POLR2D: variants seen among roughly 807,000 people sequenced by gnomAD.
POLR2D encodes the protein RNA polymerase II subunit D, also known as DNA-directed RNA polymerase II subunit RPB4.
Under a neutral mutation model 17.6 loss-of-function variants are expected in POLR2D, and 10 were observed. That is an observed-to-expected ratio of 0.57 (90% CI 0.35 to 0.96). POLR2D has a LOEUF of 0.96. Among genes scored for constraint, POLR2D ranks in the 40% least tolerant of loss-of-function variants. POLR2D has a pLI of 0.02. For missense variants in POLR2D, 126 were observed against 176.4 expected (o/e 0.71, Z 1.62); for synonymous variants, 52 against 60.2 (o/e 0.86, Z 0.63).
chr2:127,850,626 G>C lies in POLR2D; in HGVS notation c.314C>G (p.Pro105Arg). The C allele has an allele frequency of 6.3e-7, 1 of 1,592,716 alleles. No homozygotes were observed. The highest frequency in any genetic ancestry group is 8.6e-7 in the Non-Finnish European group (1 of 1,166,524). ...FELACLANLC[P>R]ETAEESKALI... ...AGCCTTGGACTCCTCAGCAGTCTCT[G>C]GGCAAAGGTTGGCCAAACAGGCCAA... Residue 105 changes from proline to arginine, a missense_variant, in exon 3 of 4, where the codon CCA becomes CGA. Pro to Arg is a moderately radical substitution (Grantham distance 103). This residue lies in a region of POLR2D where 85 missense variants were observed against 151.4 expected (regional missense o/e 0.56). Coordinates refer to ENST00000272645, the MANE Select transcript of POLR2D (RefSeq NM_004805.4).
In POLR2D at chr2:127,858,088, C is replaced by A. The variant is rs779940909; in HGVS notation, c.13G>T (p.Gly5Cys). MAAG[G>C]SDPRAGDVEE... The stretch of plus-strand genomic sequence containing the variant: ...ACGTCGCCAGCCCGCGGATCGCTGC[C>A]ACCCGCCGCCATCGCCGCGCCGCGC... The change falls in exon 1 of 4, where the codon GGC (glycine) becomes TGC (cysteine). Residue 5 changes from glycine (G) to cysteine (C), a missense_variant. By Grantham distance (159) the Gly-to-Cys change is radical. Around this residue, in one of 2 missense-constraint regions of POLR2D, gnomAD observed 41 missense variants for 24.9 expected, o/e 1.64. Coordinates refer to ENST00000272645, the MANE Select transcript of POLR2D (RefSeq NM_004805.4). 2.6e-6 allele frequency: 4 copies of A among 1,515,442 alleles called. No homozygotes were observed. Among genetic ancestry groups the A allele is most frequent in the African/African-American group, 2.9e-5 (2 of 69,326 alleles). 93.9% of individuals were successfully genotyped at this position (1,515,442 alleles called of 1,614,324 possible). A position where few individuals can be genotyped will look rare whatever the true frequency, so the allele number is the denominator to read the frequency against.
Position 127,848,097 on chromosome 2 carries a change from T to C in POLR2D, c.*10A>G, listed in dbSNP as rs763265191. ...ATGTGGTTTCTCCGAGCAGCAGTGA[T>C]GTTTGGAGATTAATACTGAAAGCTG... is the stretch of plus-strand genomic sequence containing the variant. On this transcript the variant is annotated 3_prime_UTR_variant, in exon 4 of 4. Transcript: ENST00000272645. 3.8e-6 allele frequency: 6 copies of C among 1,577,488 alleles called. No individual in the cohort carries two copies. The Admixed American group carries it at 8.3e-5, about 22-fold the overall frequency.
intron 1 of POLR2D, among the ~76,000 whole-genome samples, chr2:127,857,412 AAC>A (rs1263945864): frequency 6.6e-6 from 1 of 152,208 alleles, no homozygotes; most frequent in African/African-American, 2.4e-5. Flanking sequence ...TACCCTCCCC[AAC>A]CACTTAAAGT....
rs764911492 is a variant in POLR2D at position 127,858,134 on chromosome 2, G to A, written c.-34C>T. The stretch of plus-strand genomic sequence containing the variant: ...CGCGCCGCGCGCCACCACCAGCGCC[G>A]CCGGAAGCAGAAGCGCGGAGCAACG... On this transcript the variant is annotated 5_prime_UTR_variant, in exon 1 of 4. Coordinates refer to ENST00000272645, the MANE Select transcript of POLR2D (RefSeq NM_004805.4). 1.8e-5 allele frequency: 26 copies of A among 1,414,896 alleles called. No individual in the cohort carries two copies. The African/African-American group carries it at 2.6e-4, about 14-fold the overall frequency. 87.6% of individuals were successfully genotyped at this position (1,414,896 alleles called of 1,614,324 possible).
intron 3 of POLR2D, among the ~76,000 whole-genome samples, chr2:127,848,665 C>T (rs367892505): frequency 7.2e-5 from 11 of 152,072 alleles, no homozygotes; most frequent in African/African-American, 1.4e-4. Flanking sequence ...TGCAGGTGCC[C>T]GCCACCACGC....
At chr2:127,851,757 A>C (rs1453545961) in intron 2 of POLR2D, among the ~76,000 whole-genome samples, 3 of 152,088 alleles carry the variant, frequency 2.0e-5, no homozygotes, top group African/African-American at 7.2e-5. Flanking sequence ...CTATCTATCT[A>C]TAGGCTGGAC....
At chr2:127,849,810 C>G (rs1690220435) in intron 3 of POLR2D, among the ~76,000 whole-genome samples, 2 of 151,808 alleles carry the variant, frequency 1.3e-5, no homozygotes, top group Admixed American at 6.6e-5. Flanking sequence ...ACTTGTGAGG[C>G]TGAGGCAGGC....
intron 1 of POLR2D, chr2:127,857,765 C>A (rs1194760944): frequency 7.9e-7 from 1 of 1,263,146 alleles, no homozygotes; most frequent in Non-Finnish European, 1.0e-6. Flanking sequence ...TCTGTCCTTA[C>A]CACCTGAGTG....
In POLR2D at chr2:127,852,995, T is replaced by C. The variant is rs367586307; in HGVS notation, c.184A>G (p.Met62Val). 4 of 1,614,072 alleles carry C rather than the reference T, an allele frequency of 2.5e-6. No individual in the cohort carries two copies. Among genetic ancestry groups the C allele is most frequent in the Non-Finnish European group, 2.5e-6 (3 of 1,179,864 alleles). The change falls in exon 2 of 4, where the codon ATG becomes GTG. Residue 62 changes from methionine (M) to valine (V), a missense_variant. Physicochemically the swap from Met to Val is conservative, Grantham distance 21. Transcript: ENST00000272645. This position sits in a 1 kb window ranked among gnomAD's most constrained non-coding sequence, Gnocchi z 4.0. ...CGGGCTGTGTAGTTTAATGTTTTCA[T>C]GAAGACTTCTGAGAGCTCCTGTTCG... ...EDEQELSEVF[M>V]KTLNYTARFS...
chr2:127,851,527 G>A lies in POLR2D; in HGVS notation c.255-842C>T, dbSNP rs370728221. 4.6e-5 allele frequency among the ~76,000 whole-genome samples: 7 copies of A among 152,278 alleles called. No individual in the cohort carries two copies. The South Asian group carries it at 1.2e-3, about 27-fold the overall frequency. On this transcript the variant is annotated intron_variant, in intron 2 of 3. Coordinates refer to ENST00000272645, the MANE Select transcript of POLR2D (RefSeq NM_004805.4). ...AAGGCAGGAGGATCACTTGAGTCCA[G>A]GAGTTCAAGACGTCTTCAGCCTGGG... is the stretch of plus-strand genomic sequence containing the variant.
chr2:127,845,368 TTTCAC>T lies in POLR2D; in HGVS notation c.*2734_*2738del, dbSNP rs1690135857. 1 of 137,832 alleles carries T rather than the reference TTTCAC, an allele frequency of 7.3e-6. No homozygotes were observed. The highest frequency in any genetic ancestry group is 1.5e-5 in the Non-Finnish European group (1 of 66,374). 8.5% of individuals were successfully genotyped at this position (137,832 alleles called of 1,614,324 possible). On this transcript the variant is annotated 3_prime_UTR_variant, in exon 4 of 4. Coordinates refer to ENST00000272645, the MANE Select transcript of POLR2D (RefSeq NM_004805.4). The stretch of plus-strand genomic sequence containing the variant: ...GTTAACTGTAGATTTGGGTAAGCAA[TTTCAC>T]TTTTTTTTTTTTTTTTTTTTTGAGA...
chr2:127,852,804 C>T lies in POLR2D; in HGVS notation c.254+121G>A. On this transcript the variant is annotated intron_variant, in intron 2 of 3. Coordinates refer to ENST00000272645, the MANE Select transcript of POLR2D (RefSeq NM_004805.4). The surrounding 1 kb of genome is among the most constrained non-coding windows in gnomAD (Gnocchi z 4.0). ...AAAGTGCTGGGTGTGAGCCACCATGCCCAGCCTAACATTATTTTACTTAAA... is the reference window on the plus strand; with the variant it reads ...AAAGTGCTGGGTGTGAGCCACCATGTCCAGCCTAACATTATTTTACTTAAA... 6.7e-6 allele frequency: 5 copies of T among 750,258 alleles called. No homozygotes were observed. Among genetic ancestry groups the T allele is most frequent in the Non-Finnish European group, 1.1e-5 (5 of 441,274 alleles). The allele number at this position is 750,258 out of a possible 1,614,324, so 46.5% of individuals were successfully genotyped here.
chr2:127,857,026 ACT>A (rs1157154271), intron 1 of POLR2D: 1 of 152,208 alleles, frequency 6.6e-6, no homozygotes, highest in Non-Finnish European at 1.5e-5. Flanking sequence ...ACAGAGTGAG[ACT>A]CTGTCTCTAA....
rs1055893295 is a variant in POLR2D at position 127,851,276 on chromosome 2, G to A, written c.255-591C>T. ...AAACAAAAAACTAAAAAAATTAGCC[G>A]GGTGTGGTGGTGTGTGTCTGTAGTC... On this transcript the variant is annotated intron_variant, in intron 2 of 3. Coordinates refer to ENST00000272645, the MANE Select transcript of POLR2D (RefSeq NM_004805.4). Among the ~76,000 whole-genome samples, 5 of 151,940 alleles carry A rather than the reference G, an allele frequency of 3.3e-5. No homozygotes were observed. The South Asian group carries it at 6.2e-4, about 19-fold the overall frequency.
rs1404846676 is a variant in POLR2D, at chr2:127,844,369, A to G, written c.*3738T>C. On this transcript the variant is annotated 3_prime_UTR_variant, in exon 4 of 4. Coordinates refer to ENST00000272645, the MANE Select transcript of POLR2D (RefSeq NM_004805.4). ...AACTAAGACACTAAAACTTTCAGAAAGACTTATCTGGTTAATTTAGCTTTC... is the reference window on the plus strand; with the variant it reads ...AACTAAGACACTAAAACTTTCAGAAGGACTTATCTGGTTAATTTAGCTTTC... 1.3e-5 allele frequency: 2 copies of G among 152,220 alleles called. No individual in the cohort carries two copies. Among genetic ancestry groups the G allele is most frequent in the Non-Finnish European group, 2.9e-5 (2 of 68,038 alleles). The allele number at this position is 152,220 out of a possible 1,614,324, so 9.4% of individuals were successfully genotyped here.
chr2:127,856,409 G>C (rs1487288474), intron 1 of POLR2D, among the ~76,000 whole-genome samples: 1 of 150,738 alleles, frequency 6.6e-6, no homozygotes, highest in Middle Eastern at 3.2e-3. Context: ...GGCCAACATG[G>C]TGAAACACCG....
chr2:127,854,190 T>C (rs553080468), intron 1 of POLR2D, among the ~76,000 whole-genome samples: 1 of 152,296 alleles, frequency 6.6e-6, no homozygotes, highest in African/African-American at 2.4e-5. Flanking sequence ...AAGAAACCCA[T>C]GGCCCCTTTT....
intron 1 of POLR2D, among the ~76,000 whole-genome samples, chr2:127,856,304 A>AAAAAAAAAAAAAAAAAAAAAAAAAG (rs1690327906): frequency 6.9e-6 from 1 of 145,212 alleles, no homozygotes; most frequent in Non-Finnish European, 1.5e-5. Context: ...AAAAAAAAAA[A>AAAAAAAAAAAAAAAAAAAAAAAAAG]AAAAAGGCAG....
At position 127,845,988 on chromosome 2, in the gene POLR2D, C is replaced by G. The variant is rs1264302802; in HGVS notation, c.*2119G>C. ...CAAGGATAAAAAGATTGGCCGGTGG[C>G]TCACGCCTGTAATCCCAGCACTTTG... On this transcript the variant is annotated 3_prime_UTR_variant, in exon 4 of 4. Transcript: ENST00000272645. The G allele has an allele frequency of 6.6e-6, 1 of 152,250 alleles. No individual in the cohort carries two copies. Among genetic ancestry groups the G allele is most frequent in the Non-Finnish European group, 1.5e-5 (1 of 68,086 alleles). The allele number at this position is 152,250 out of a possible 1,614,324, so 9.4% of individuals were successfully genotyped here.
Sources: allele counts gnomAD v4.1 joint callset (sites outside exome capture counted in the v4.1 genomes callset), GRCh38; gene constraint gnomAD v4.1.1; regional missense constraint gnomAD v4.1.1; non-coding constraint Gnocchi (gnomAD v3.1); transcripts MANE v1.5; gene names NCBI Gene and HGNC (gene_info 2026-07-23, HGNC 2026-07-21).